Variants in SPPL3 observed in about 807,000 individuals in gnomAD.
SPPL3 encodes the protein signal peptide peptidase like 3.
In SPPL3, 5 loss-of-function variants were observed where a neutral mutation model predicts 42.4. That is an observed-to-expected ratio of 0.12 (90% CI 0.06 to 0.25). The LOEUF (loss-of-function observed/expected upper bound fraction) is 0.25, where lower values mean the gene tolerates loss of function less well. Ranked by LOEUF, SPPL3 falls within the 10% of genes least tolerant of loss-of-function variation. The pLI, the probability that SPPL3 is intolerant of heterozygous loss-of-function variation, is 1.00. For missense variants in SPPL3, 235 were observed against 489.0 expected, an observed-to-expected ratio of 0.48 and a Z score of 4.90; for synonymous variants, 195 against 181.8, an observed-to-expected ratio of 1.07 and a Z score of -0.58.
intron 1 of SPPL3, among the ~76,000 whole-genome samples, chr12:120,844,108 A>G (rs978646325): frequency 3.0e-4 from 45 of 152,332 alleles, no homozygotes; most frequent in African/African-American, 9.1e-4. Flanking sequence ...CCAATTGGCT[A>G]ATAGGTATCT....
At chr12:120,903,732 G>GGCCCCCCCC in intron 1 of SPPL3, 113 bp downstream of exon 1, 1 of 385,022 alleles carries the variant, frequency 2.6e-6, no homozygotes, top group Non-Finnish European at 4.3e-6. Flanking sequence ...CCCAACCCGC[G>GGCCCCCCCC]CCCCCCCCCC....
chr12:120,862,304 T>C (rs1203528243), intron 1 of SPPL3, among the ~76,000 whole-genome samples: 3 of 152,230 alleles, frequency 2.0e-5, no homozygotes, highest in Non-Finnish European at 4.4e-5. Context: ...TAACCAATTT[T>C]CCAATAATAA....
intron 6 of SPPL3, 145 bp from the exon 7 acceptor site, chr12:120,769,204 A>C: frequency 1.6e-6 from 1 of 612,442 alleles, no homozygotes; most frequent in Non-Finnish European, 2.9e-6. Flanking sequence ...ACTTACATGC[A>C]ACTGGTGCAA....
chr12:120,893,055 C>T (rs370071505), intron 1 of SPPL3, among the ~76,000 whole-genome samples: 2 of 150,802 alleles, frequency 1.3e-5, no homozygotes, highest in Non-Finnish European at 3.0e-5. Flanking sequence ...AAAAACTAAA[C>T]GTACACACTA....
chr12:120,814,702 C>T (rs576227064), intron 1 of SPPL3, among the ~76,000 whole-genome samples: 2 of 152,232 alleles, frequency 1.3e-5, no homozygotes, highest in East Asian at 1.9e-4. Context: ...ACCCAACCCC[C>T]ACCCTCTCAG....
In SPPL3 at chr12:120,791,621, T is replaced by G. The variant is rs1283283744; in HGVS notation, c.102-64A>C. On this transcript the variant is annotated intron_variant, in intron 2 of 10. Transcript: ENST00000353487. ...TTACAAAAGAAGGTCAGAAAAGTCATATGACAATATTTTTAAATGCCAAGG... is the reference window on the plus strand; with the variant it reads ...TTACAAAAGAAGGTCAGAAAAGTCAGATGACAATATTTTTAAATGCCAAGG... 6.7e-5 allele frequency: 71 copies of G among 1,065,116 alleles called. 1 individual carries two copies. In the South Asian group the frequency reaches 9.8e-4, roughly 15 times the overall value. The allele number at this position is 1,065,116 out of a possible 1,614,324, so 66.0% of individuals were successfully genotyped here.
intron 1 of SPPL3, among the ~76,000 whole-genome samples, chr12:120,840,738 A>G (rs624216): frequency 0.48 from 73,521 of 151,884 alleles, 17,986 homozygotes; most frequent in East Asian, 0.56. Context: ...GGGCTGAGGC[A>G]GAAGGATGGC....
chr12:120,882,603 C>G (rs1873325502), intron 1 of SPPL3, among the ~76,000 whole-genome samples: 1 of 152,074 alleles, frequency 6.6e-6, no homozygotes, highest in Non-Finnish European at 1.5e-5. Context: ...ATACAGTGGT[C>G]TCCTATGTAT....
At chr12:120,867,541 T>G (rs1023017421) in intron 1 of SPPL3, among the ~76,000 whole-genome samples, 1 of 151,878 alleles carries the variant, frequency 6.6e-6, no homozygotes, top group Non-Finnish European at 1.5e-5. Flanking sequence ...GGTACGTGCC[T>G]GTAGTCCCAG....
At chr12:120,766,104 A>G (rs764295167) in intron 10 of SPPL3, among the ~76,000 whole-genome samples, 159 bp downstream of exon 10, 6,437 of 32,318 alleles carry the variant, frequency 0.2, 180 homozygotes, top group Non-Finnish European at 0.26. Flanking sequence ...GCGCGCGCAC[A>G]CACACACACA....
chr12:120,833,682 A>G (rs60108167), intron 1 of SPPL3, among the ~76,000 whole-genome samples: 25,607 of 59,246 alleles, frequency 0.43, 3,990 homozygotes, highest in East Asian at 0.63. Context: ...AAAAAAAAAG[A>G]AAAAAAAAAA....
chr12:120,861,238 T>C (rs998938269), intron 1 of SPPL3, among the ~76,000 whole-genome samples: 3 of 152,168 alleles, frequency 2.0e-5, no homozygotes. Flanking sequence ...ATAGATGATA[T>C]GTAAACAAAT....
intron 1 of SPPL3, among the ~76,000 whole-genome samples, chr12:120,860,249 A>G (rs1872585727): frequency 1.3e-5 from 2 of 152,148 alleles, no homozygotes; most frequent in African/African-American, 2.4e-5. Context: ...TTAAGGCAAT[A>G]AAGATTATAT....
intron 1 of SPPL3, among the ~76,000 whole-genome samples, chr12:120,860,323 T>A (rs1377252132): frequency 6.6e-6 from 1 of 152,190 alleles, no homozygotes; most frequent in Non-Finnish European, 1.5e-5. Flanking sequence ...TCAGTGTGCA[T>A]CATCGCCTAT....
intron 1 of SPPL3, among the ~76,000 whole-genome samples, chr12:120,827,004 C>T (rs918579438): frequency 1.3e-5 from 2 of 152,056 alleles, no homozygotes; most frequent in African/African-American, 4.8e-5. Flanking sequence ...GTGCTGGACT[C>T]TGTTCTCCAG....
chr12:120,870,928 G>A (rs962222598), intron 1 of SPPL3, among the ~76,000 whole-genome samples: 8 of 151,718 alleles, frequency 5.3e-5, no homozygotes, highest in African/African-American at 1.9e-4. Context: ...AGGAGTTCAA[G>A]ACCAGCCTAG....
intron 1 of SPPL3, among the ~76,000 whole-genome samples, chr12:120,847,554 G>A (rs879438305): frequency 7.2e-5 from 11 of 151,944 alleles, no homozygotes; most frequent in Non-Finnish European, 1.5e-4. Context: ...TTGGCCTCCC[G>A]AGGTGCTGGG....
chr12:120,854,894 ATT>A (rs1158867604), intron 1 of SPPL3, among the ~76,000 whole-genome samples: 1 of 152,232 alleles, frequency 6.6e-6, no homozygotes, highest in Non-Finnish European at 1.5e-5. Flanking sequence ...CAATGAAAAT[ATT>A]CTTATATTTA....
intron 1 of SPPL3, among the ~76,000 whole-genome samples, chr12:120,813,318 CT>C (rs149707030): frequency 1.3e-3 from 177 of 134,216 alleles, no homozygotes; most frequent in East Asian, 2.1e-3. Flanking sequence ...GGATCCTCAG[CT>C]TTTTTTTTTT....
Sources: allele counts gnomAD v4.1 joint callset (sites outside exome capture counted in the v4.1 genomes callset), GRCh38; gene constraint gnomAD v4.1.1; transcripts MANE v1.5; gene names NCBI Gene and HGNC (gene_info 2026-07-23, HGNC 2026-07-21).